Variants in RORB observed in about 807,000 individuals in gnomAD.
RORB encodes the protein RAR related orphan receptor B.
A neutral mutation model predicts 59.1 loss-of-function variants in RORB; 6 were observed. The observed-to-expected ratio is 0.10, with a 90% CI of 0.06 to 0.20. The LOEUF (loss-of-function observed/expected upper bound fraction) is 0.20. Ranked by LOEUF, RORB falls within the 10% of genes least tolerant of loss-of-function variation. The pLI is 1.00. For missense variants in RORB, 320 were observed against 560.5 expected, an observed-to-expected ratio of 0.57 and a Z score of 4.33; for synonymous variants, 215 against 204.5, an observed-to-expected ratio of 1.05 and a Z score of -0.44.
chr9:74,555,391 C>T lies in RORB; in HGVS notation c.7+57408C>T, dbSNP rs182477494. Among the ~76,000 whole-genome samples, 27 of 152,284 alleles carry T rather than the reference C, an allele frequency of 1.8e-4. 1 individual carries two copies. The highest frequency in any genetic ancestry group is 6.3e-4 in the African/African-American group (26 of 41,566). On this transcript the variant is annotated intron_variant, in intron 1 of 9. Transcript: ENST00000376896. The stretch of plus-strand genomic sequence containing the variant: ...ATTTAAAGTGGAAGCTTGCTCATTT[C>T]GATGGAGAAGAATCCAGAAACCAAC...
intron 5 of RORB, 53 bp from the exon 6 acceptor site, chr9:74,662,421 G>A: frequency 6.3e-7 from 1 of 1,589,098 alleles, no homozygotes; most frequent in Non-Finnish European, 8.6e-7. Flanking sequence ...GTGTTCTGTT[G>A]ACTCTCCGTA....
chr9:74,531,462 G>C (rs1332653809), intron 1 of RORB, among the ~76,000 whole-genome samples: 1 of 151,936 alleles, frequency 6.6e-6, no homozygotes, highest in Non-Finnish European at 1.5e-5. Flanking sequence ...TTCCCCTCCT[G>C]AATGAATGGC....
chr9:74,646,155 C>T (rs1242097908), intron 4 of RORB, among the ~76,000 whole-genome samples: 2 of 152,034 alleles, frequency 1.3e-5, no homozygotes, highest in African/African-American at 4.8e-5. Context: ...TTAACATCAC[C>T]CTTGGCTACC....
At chr9:74,627,635 A>G (rs886165576) in intron 1 of RORB, among the ~76,000 whole-genome samples, 2 of 152,178 alleles carry the variant, frequency 1.3e-5, no homozygotes, top group African/African-American at 4.8e-5. Flanking sequence ...AACTTATAGA[A>G]GCAGATTCTC....
chr9:74,646,714 T>G (rs1355481419), intron 4 of RORB, among the ~76,000 whole-genome samples: 1 of 152,204 alleles, frequency 6.6e-6, no homozygotes, highest in South Asian at 2.1e-4. Context: ...TAAGTCACTG[T>G]CCTAGACTGC....
rs11999691 is a variant in RORB at position 74,538,294 on chromosome 9, G to A, written c.7+40311G>A. Among the ~76,000 whole-genome samples the A allele has an allele frequency of 3.7e-3, 570 of 152,100 alleles. 7 individuals are homozygous for A. The highest frequency in any genetic ancestry group is 0.013 in the African/African-American group (552 of 41,502). ...TCTCTGAACTTATCCCCCAAATTAA[G>A]TGATGCATGATTGTATTCTTGTTCT... is the stretch of plus-strand genomic sequence containing the variant. On this transcript the variant is annotated intron_variant, in intron 1 of 9. Coordinates refer to ENST00000376896, the MANE Select transcript of RORB (RefSeq NM_006914.4).
intron 1 of RORB, among the ~76,000 whole-genome samples, chr9:74,593,934 T>G (rs1171199767): frequency 6.6e-6 from 1 of 152,138 alleles, no homozygotes; most frequent in Non-Finnish European, 1.5e-5. Flanking sequence ...GGGAGCTGAG[T>G]CTTCACAAAA....
At chr9:74,618,210 G>A (rs758627507) in intron 1 of RORB, among the ~76,000 whole-genome samples, 11 of 152,008 alleles carry the variant, frequency 7.2e-5, no homozygotes, top group Non-Finnish European at 1.3e-4. Flanking sequence ...TAAGTATTTG[G>A]GGCATCAGTG....
At chr9:74,521,418 C>T (rs2118069782) in intron 1 of RORB, among the ~76,000 whole-genome samples, 1 of 151,694 alleles carries the variant, frequency 6.6e-6, no homozygotes, top group African/African-American at 2.4e-5. Flanking sequence ...AATCAGGGGG[C>T]CATAATTTAC....
At chr9:74,580,067 G>A (rs1270227656) in intron 1 of RORB, among the ~76,000 whole-genome samples, 3 of 152,012 alleles carry the variant, frequency 2.0e-5, no homozygotes, top group South Asian at 2.1e-4. Context: ...AACTATCATA[G>A]GTAGGTATGT....
intron 1 of RORB, among the ~76,000 whole-genome samples, chr9:74,520,823 C>T (rs943551167): frequency 6.6e-6 from 1 of 151,704 alleles, no homozygotes; most frequent in Non-Finnish European, 1.5e-5. Context: ...TTATCACTAA[C>T]CTTAGAGTCT....
rs373338433 is a variant in RORB at position 74,601,106 on chromosome 9, T to C, written c.8-29176T>C. Among the ~76,000 whole-genome samples the C allele has an allele frequency of 9.9e-5, 15 of 152,230 alleles. No homozygotes were observed. In the South Asian group the frequency reaches 2.7e-3, roughly 27 times the overall value. ...ATAGGCATGCTCATGCAATGTTCAA[T>C]GTTTCAAAGAACTTTTGAAATAATT... On this transcript the variant is annotated intron_variant, in intron 1 of 9. Coordinates refer to ENST00000376896, the MANE Select transcript of RORB (RefSeq NM_006914.4).
intron 1 of RORB, among the ~76,000 whole-genome samples, chr9:74,557,897 C>T (rs1822333205): frequency 6.6e-6 from 1 of 152,010 alleles, no homozygotes; most frequent in Non-Finnish European, 1.5e-5. Flanking sequence ...TCTTATGAGG[C>T]ACATTTATTG....
intron 1 of RORB, among the ~76,000 whole-genome samples, chr9:74,589,235 G>C (rs748008872): frequency 1.3e-5 from 2 of 152,198 alleles, no homozygotes; most frequent in African/African-American, 2.4e-5. Context: ...TGGAATTAAG[G>C]AAGTAGAGAG....
intron 1 of RORB, among the ~76,000 whole-genome samples, chr9:74,597,932 T>A (rs1024096829): frequency 1.3e-5 from 2 of 151,864 alleles, no homozygotes; most frequent in Non-Finnish European, 2.9e-5. Context: ...CACTCCAGCC[T>A]GGGTGACAAC....
At chr9:74,595,733 C>A (rs959642561) in intron 1 of RORB, among the ~76,000 whole-genome samples, 3 of 152,136 alleles carry the variant, frequency 2.0e-5, no homozygotes, top group Admixed American at 6.5e-5. Flanking sequence ...GTCTAGCCAT[C>A]GTCTAAGATT....
chr9:74,662,618 G>A lies in RORB; in HGVS notation c.892+12G>A. 3 of 1,612,394 alleles carry A rather than the reference G, an allele frequency of 1.9e-6. No homozygotes were observed. Among genetic ancestry groups the A allele is most frequent in the Non-Finnish European group, 2.5e-6 (3 of 1,179,932 alleles). ...ACTTCTGAAGTCAGGTAAGCAAGAA[G>A]ATTCATGGGAGGCCTATTTCAGATA... On this transcript the variant is annotated intron_variant, in intron 6 of 9. Transcript: ENST00000376896.
chr9:74,681,785 TA>T (rs1438233968), intron 9 of RORB, among the ~76,000 whole-genome samples: 3 of 152,146 alleles, frequency 2.0e-5, no homozygotes, highest in African/African-American at 7.2e-5. Context: ...ACCCTGTCAC[TA>T]AAGGAGCAGA....
chr9:74,645,560 C>T (rs1375162486), intron 4 of RORB, among the ~76,000 whole-genome samples: 1 of 152,064 alleles, frequency 6.6e-6, no homozygotes, highest in African/African-American at 2.4e-5. Context: ...GTTCTTAGTA[C>T]AGTACCTATC....
Sources: gnomAD v4.1 joint callset for allele counts (sites outside exome capture counted in the v4.1 genomes callset) on GRCh38, gnomAD v4.1.1 for gene constraint, MANE v1.5 for transcripts, NCBI Gene and HGNC (gene_info 2026-07-23, HGNC 2026-07-21) for gene names.